MTCH2: variants seen among roughly 807,000 people sequenced by gnomAD.
MTCH2 encodes the protein mitochondrial carrier homolog 2.
A neutral mutation model predicts 50.6 loss-of-function variants in MTCH2; 25 were observed. That is an observed-to-expected ratio of 0.49 (90% CI 0.36 to 0.69). The LOEUF (loss-of-function observed/expected upper bound fraction) is 0.69, where lower values mean the gene tolerates loss of function less well. MTCH2 is among the 30% of genes least tolerant of loss of function. The pLI, the probability that MTCH2 is intolerant of heterozygous loss-of-function variation, is 0.00. For synonymous variants in MTCH2, 106 were observed against 132.0 expected (o/e 0.80, Z 1.35); for missense variants, 273 against 384.4 (o/e 0.71, Z 2.42).
chr11:47,630,642 T>TA lies in MTCH2; in HGVS notation c.480-29dup, dbSNP rs746414375. ...ACGTACACAAGAAGAAAAGGTAAAA[T>TA]ATATTAAGATTCTTTTGGAGCTATA... On this transcript the variant is annotated intron_variant, in intron 7 of 12. Coordinates refer to ENST00000302503, the MANE Select transcript of MTCH2 (RefSeq NM_014342.4). 1.2e-5 allele frequency: 19 copies of TA among 1,570,106 alleles called. No individual in the cohort carries two copies. The South Asian group carries it at 2.1e-4, about 18-fold the overall frequency.
At chr11:47,638,921 A>G (rs1565977220) in intron 2 of MTCH2, 46 bp downstream of exon 2, 2 of 1,581,400 alleles carry the variant, frequency 1.3e-6, no homozygotes, top group East Asian at 4.5e-5. Context: ...CCTGCCTATC[A>G]CAGTCCTCAA....
At chr11:47,639,826 C>T (rs1026181586) in intron 1 of MTCH2, among the ~76,000 whole-genome samples, 3 of 151,718 alleles carry the variant, frequency 2.0e-5, no homozygotes, top group Admixed American at 6.6e-5. Context: ...CCGACAACAG[C>T]GAGACTCCAT....
intron 4 of MTCH2, 49 bp from the exon 5 acceptor site, chr11:47,634,783 T>TTC: frequency 7.0e-7 from 1 of 1,426,074 alleles, no homozygotes; most frequent in South Asian, 1.3e-5. Flanking sequence ...TTTTTTTTTT[T>TTC]TTTTTTTGAG....
At chr11:47,634,874 G>C (rs1353982401) in intron 4 of MTCH2, 140 bp from the exon 5 acceptor site, 2 of 522,386 alleles carry the variant, frequency 3.8e-6, no homozygotes, top group Non-Finnish European at 6.6e-6. Context: ...CTGGGTACAA[G>C]TGCTTCTCCT....
rs12275286 is a variant in MTCH2 at position 47,620,677 on chromosome 11, A to C, written c.826-1758T>G. Among the ~76,000 whole-genome samples the C allele has an allele frequency of 6.9e-3, 1,048 of 152,248 alleles. 14 individuals carry two copies. Among genetic ancestry groups the C allele is most frequent in the African/African-American group, 0.023 (971 of 41,548 alleles). ...AAATAAAGAACCAAATAAGTAAATA[A>C]AAATAAAGTAATAATGTTCTGAGTG... On this transcript the variant is annotated intron_variant, in intron 12 of 12. Coordinates refer to ENST00000302503, the MANE Select transcript of MTCH2 (RefSeq NM_014342.4).
intron 3 of MTCH2, among the ~76,000 whole-genome samples, chr11:47,637,962 C>T (rs1225884406): frequency 2.0e-5 from 3 of 152,076 alleles, no homozygotes; most frequent in Non-Finnish European, 4.4e-5. Flanking sequence ...AATTCTTGTT[C>T]AGTTTACAAA....
chr11:47,632,989 C>G (rs1238627431), intron 5 of MTCH2, among the ~76,000 whole-genome samples: 4 of 151,852 alleles, frequency 2.6e-5, no homozygotes, highest in Non-Finnish European at 2.9e-5. Context: ...TGTGAGCCAC[C>G]ACACCCGGCC....
intron 5 of MTCH2, among the ~76,000 whole-genome samples, chr11:47,632,357 A>ATTT (rs34382888): frequency 7.2e-6 from 1 of 138,638 alleles, no homozygotes; most frequent in African/African-American, 2.6e-5. Flanking sequence ...TGGCTTTTGC[A>ATTT]TTTTTTTTTT....
At chr11:47,635,467 T>G in intron 4 of MTCH2, 78 bp downstream of exon 4, 1 of 1,516,724 alleles carries the variant, frequency 6.6e-7, no homozygotes, top group Non-Finnish European at 9.1e-7. Flanking sequence ...TACTTGGCTT[T>G]TCTCCAAAAG....
the MTCH2 span, among the ~76,000 whole-genome samples, chr11:47,609,638 AAAAAAAAAAAAAAG>A: frequency 6.7e-6 from 1 of 149,656 alleles, no homozygotes; most frequent in Non-Finnish European, 1.5e-5. Flanking sequence ...AAAAAAAAAA[AAAAAAAAAAAAAAG>A]AAAAGAGAAG....
At chr11:47,623,258 G>A (rs188174776) in intron 11 of MTCH2, among the ~76,000 whole-genome samples, 126 of 152,028 alleles carry the variant, frequency 8.3e-4, no homozygotes, top group African/African-American at 3.0e-3. Flanking sequence ...TGTAATCCCG[G>A]CTACTTGGGA....
At chr11:47,621,800 A>G (rs1166773245) in intron 12 of MTCH2, among the ~76,000 whole-genome samples, 5 of 152,072 alleles carry the variant, frequency 3.3e-5, no homozygotes, top group South Asian at 2.1e-4. Context: ...TCCTGGACTC[A>G]TGTGATCCTC....
intron 5 of MTCH2, among the ~76,000 whole-genome samples, chr11:47,633,838 T>G (rs2097305998): frequency 6.6e-6 from 1 of 151,484 alleles, no homozygotes; most frequent in Non-Finnish European, 1.5e-5. Flanking sequence ...CGCCCAGCCT[T>G]TGGAATATGT....
At chr11:47,605,726 AGATC>A in the MTCH2 span, among the ~76,000 whole-genome samples, 18 of 152,162 alleles carry the variant, frequency 1.2e-4, no homozygotes, top group Non-Finnish European at 2.5e-4. Flanking sequence ...GCAGTCTCTG[AGATC>A]GATATTTTCC....
downstream of MTCH2, among the ~76,000 whole-genome samples, chr11:47,615,862 G>A (rs1453741857): frequency 4.0e-5 from 6 of 151,554 alleles, no homozygotes; most frequent in Non-Finnish European, 2.9e-5. Flanking sequence ...CTGACCTCAT[G>A]ATCCACCCGC....
downstream of MTCH2, among the ~76,000 whole-genome samples, chr11:47,616,100 A>G (rs931770584): frequency 6.6e-6 from 1 of 151,748 alleles, no homozygotes; most frequent in Non-Finnish European, 1.5e-5. Context: ...CTGGGATTAC[A>G]GGCATGTGCC....
Position 47,625,225 on chromosome 11 carries a change from A to G in MTCH2, c.749+449T>C, listed in dbSNP as rs550785777. ...CACTTGAGGTCAGGAGTTCGAGACCAGCCTGGCCAACATGGTGAAACCCTG... is the reference window on the plus strand; with the variant it reads ...CACTTGAGGTCAGGAGTTCGAGACCGGCCTGGCCAACATGGTGAAACCCTG... On this transcript the variant is annotated intron_variant, in intron 11 of 12. Coordinates refer to ENST00000302503, the MANE Select transcript of MTCH2 (RefSeq NM_014342.4). 3.3e-3 allele frequency among the ~76,000 whole-genome samples: 506 copies of G among 152,208 alleles called. 1 individual carries two copies. The highest frequency in any genetic ancestry group is 0.01 in the Middle Eastern group (3 of 294).
rs913322293 is a variant in MTCH2 at position 47,618,069 on chromosome 11, ACTTC to A, written c.*760_*763del. ...TTTCATATTTTATGTGAAAACAAGA[ACTTC>A]CTTTGAGGAAAAAAGTGCCATTATA... On this transcript the variant is annotated 3_prime_UTR_variant, in exon 13 of 13. Coordinates refer to ENST00000302503, the MANE Select transcript of MTCH2 (RefSeq NM_014342.4). 2.6e-5 allele frequency: 4 copies of A among 152,238 alleles called. No individual in the cohort carries two copies. Among genetic ancestry groups the A allele is most frequent in the Non-Finnish European group, 4.4e-5 (3 of 68,048 alleles). The allele number at this position is 152,238 out of a possible 1,614,324, so 9.4% of individuals were successfully genotyped here.
intron 9 of MTCH2, among the ~76,000 whole-genome samples, chr11:47,627,628 A>ATT (rs1275344585): frequency 1.5e-4 from 21 of 141,068 alleles, no homozygotes; most frequent in African/African-American, 2.9e-4. Context: ...TTGAAAATTA[A>ATT]TTTTTTTTTT....
Sources: allele counts gnomAD v4.1 joint callset (sites outside exome capture counted in the v4.1 genomes callset), GRCh38; gene constraint gnomAD v4.1.1; transcripts MANE v1.5; gene names NCBI Gene and HGNC (gene_info 2026-07-23, HGNC 2026-07-21).